HPS3: variants seen among roughly 807,000 people sequenced by gnomAD.
HPS3 encodes the protein HPS3 biogenesis of lysosomal organelles complex 2 subunit 1, also known as BLOC-2 complex member HPS3.
Under a neutral mutation model 110.9 loss-of-function variants are expected in HPS3, and 79 were observed. The ratio of observed to expected loss-of-function variants is 0.71; its 90% CI spans 0.59 to 0.86. The LOEUF (loss-of-function observed/expected upper bound fraction) is 0.86, where lower values mean the gene tolerates loss of function less well. Ranked by LOEUF, HPS3 falls within the 40% of genes least tolerant of loss-of-function variation. HPS3 has a pLI of 0.00. For missense variants in HPS3, 1,197 were observed against 1,206.2 expected (o/e 0.99, Z 0.11); for synonymous variants, 428 against 451.0 (o/e 0.95, Z 0.65).
At chr3:149,145,231 C>T (rs1423367506) in intron 4 of HPS3, 123 bp from the exon 5 acceptor site, 2 of 736,074 alleles carry the variant, frequency 2.7e-6, no homozygotes, top group Non-Finnish European at 4.8e-6. Context: ...TAAAGAGCAA[C>T]TTCCCCTTTG....
In HPS3 at chr3:149,172,185, A is replaced by G. The variant is rs1432440973; in HGVS notation, c.2978A>G (p.Tyr993Cys). Residue 993 changes from tyrosine (Y) to cysteine (C), a missense_variant, in exon 17 of 17, where the codon TAT (tyrosine) becomes TGT (cysteine). Physicochemically the swap from Tyr to Cys is radical, Grantham distance 194 (BLOSUM62 -2). Coordinates refer to ENST00000296051, the MANE Select transcript of HPS3 (RefSeq NM_032383.5). ...EDGTATFFLP[Y>C]LLYCSRKKPL... ...GGTACTGCAACATTTTTCTTGCCAT[A>G]TCTTCTCTATTGCAGTCGAAAGAAA... 2.5e-6 allele frequency: 4 copies of G among 1,613,668 alleles called. No homozygotes were observed. Among genetic ancestry groups the G allele is most frequent in the African/African-American group, 1.3e-5 (1 of 74,926 alleles).
intron 1 of HPS3, among the ~76,000 whole-genome samples, chr3:149,139,550 T>G (rs1383190322): frequency 6.6e-6 from 1 of 152,232 alleles, no homozygotes; most frequent in Non-Finnish European, 1.5e-5. Context: ...CTTTGCTATT[T>G]CCAACTTTAT....
chr3:149,158,541 A>G lies in HPS3; in HGVS notation c.1692-125A>G, dbSNP rs1723592350. 12 of 932,650 alleles carry G rather than the reference A, an allele frequency of 1.3e-5. No homozygotes were observed. The South Asian group carries it at 1.4e-4, about 10-fold the overall frequency. 57.8% of individuals were successfully genotyped at this position (932,650 alleles called of 1,614,324 possible). A position where few individuals can be genotyped will look rare whatever the true frequency, so the allele number is the denominator to read the frequency against. The stretch of plus-strand genomic sequence containing the variant: ...GGTGGCTTACACCTGGAATCCCAGC[A>G]CTTTGGGAGGCTGAGGTAGGATAAT... On this transcript the variant is annotated intron_variant, in intron 9 of 16. Transcript: ENST00000296051.
At chr3:149,153,430 T>C in intron 6 of HPS3, 64 bp from the exon 7 acceptor site, 1 of 1,374,692 alleles carries the variant, frequency 7.3e-7, no homozygotes, top group Non-Finnish European at 1.0e-6. Context: ...AACTGACTGA[T>C]TTTTGAAGAT....
intron 4 of HPS3, 52 bp from the exon 5 acceptor site, chr3:149,145,302 C>G: frequency 7.5e-7 from 1 of 1,340,494 alleles, no homozygotes; most frequent in South Asian, 1.2e-5. Context: ...GATTATTTCC[C>G]CCTTTATTTA....
At position 149,150,612 on chromosome 3, in the gene HPS3, T is replaced by C; in HGVS notation, c.1177T>C (p.Cys393Arg). The change falls in exon 6 of 17, where the codon TGT becomes CGT. Residue 393 changes from cysteine to arginine, a missense_variant. Coordinates refer to ENST00000296051, the MANE Select transcript of HPS3 (RefSeq NM_032383.5). ...CTTCCTCCTCAGTAACAACCTGCAG[T>C]GTTTCACTGTGCGGTGCAGTGCGGC... ...LHVITSNNLQ[C>R]FTVRCSAAAA... is the part of the protein sequence containing the mutation. The C allele has an allele frequency of 6.2e-7, 1 of 1,614,032 alleles. No individual in the cohort carries two copies.
In HPS3 at chr3:149,129,697, G is replaced by A. The variant is rs771646406; in HGVS notation, c.-27G>A. Reference sequence around the variant, plus strand: ...CTCCGGGCGCCCTGCAGGGCGGGCAGGCTGTGCCATCCCGCCGGACGTCGG... The same window carrying A: ...CTCCGGGCGCCCTGCAGGGCGGGCAAGCTGTGCCATCCCGCCGGACGTCGG... On this transcript the variant is annotated 5_prime_UTR_variant, in exon 1 of 17. Coordinates refer to ENST00000296051, the MANE Select transcript of HPS3 (RefSeq NM_032383.5). 9.7e-6 allele frequency: 15 copies of A among 1,539,442 alleles called. No homozygotes were observed. The highest frequency in any genetic ancestry group is 8.3e-5 in the African/African-American group (6 of 72,410).
At chr3:149,162,987 A>G in intron 13 of HPS3, 109 bp downstream of exon 13, 1 of 949,858 alleles carries the variant, frequency 1.1e-6, no homozygotes. Flanking sequence ...TTCTATTACC[A>G]GGTATCTTAT....
chr3:149,173,576 T>C lies in HPS3; in HGVS notation c.*1354T>C. 1.7e-6 allele frequency: 1 copy of C among 600,114 alleles called. No individual in the cohort carries two copies. Among genetic ancestry groups the C allele is most frequent in the Non-Finnish European group, 2.9e-6 (1 of 340,180 alleles). The allele number at this position is 600,114 out of a possible 1,614,324, so 37.2% of individuals were successfully genotyped here. A position where few individuals can be genotyped will look rare whatever the true frequency, so the allele number is the denominator to read the frequency against. On this transcript the variant is annotated 3_prime_UTR_variant, in exon 17 of 17. Transcript: ENST00000296051. ...AAAATTAATAGTTTTCCCCCACAAA[T>C]GTACAAAGTTGTATGCTTCCAGTCT...
chr3:149,164,205 T>C (rs1724187493), intron 14 of HPS3, among the ~76,000 whole-genome samples: 1 of 152,202 alleles, frequency 6.6e-6, no homozygotes, highest in African/African-American at 2.4e-5. Context: ...TCCTGGCTGA[T>C]TTCCTCATTT....
In HPS3 at chr3:149,162,232, C is replaced by T. The variant is rs1463013005; in HGVS notation, c.2191C>T (p.Leu731Phe). The change falls in exon 12 of 17, where the codon CTT (leucine) becomes TTT (phenylalanine). Residue 731 changes from leucine (L) to phenylalanine (F), a missense_variant. By Grantham distance (22) the Leu-to-Phe change is conservative. Coordinates refer to ENST00000296051, the MANE Select transcript of HPS3 (RefSeq NM_032383.5). ...ACAGATTGTTCCAACCGAGCTTGCA[C>T]TTCACTTGAAGGAAACTCAGCCTGG... ...KGQIVPTELALHLKETQPGLL... is the reference protein window; with the variant it reads ...KGQIVPTELAFHLKETQPGLL... 1.2e-6 allele frequency: 2 copies of T among 1,613,904 alleles called. No homozygotes were observed. The highest frequency in any genetic ancestry group is 1.7e-6 in the Non-Finnish European group (2 of 1,179,940).
chr3:149,157,506 G>A lies in HPS3; in HGVS notation c.1666G>A (p.Gly556Arg). The A allele has an allele frequency of 6.2e-7, 1 of 1,613,772 alleles. No individual in the cohort carries two copies. Among genetic ancestry groups the A allele is most frequent in the Non-Finnish European group, 8.5e-7 (1 of 1,179,772 alleles). ...ELLEAFKESC[G>R]HLGDCYSRLD... Reference sequence around the variant, plus strand: ...TTTGGAAGCATTTAAGGAAAGCTGTGGGCACCTTGGGGACTGTTACAGCAG... The same window carrying A: ...TTTGGAAGCATTTAAGGAAAGCTGTAGGCACCTTGGGGACTGTTACAGCAG... Residue 556 changes from glycine to arginine, a missense_variant, in exon 9 of 17, where the codon GGG (glycine) becomes AGG (arginine). Gly to Arg is a moderately radical substitution (Grantham distance 125). Transcript: ENST00000296051.
At chr3:149,168,369 G>T in intron 16 of HPS3, 1 of 205,292 alleles carries the variant, frequency 4.9e-6, no homozygotes, top group Non-Finnish European at 1.0e-5. Flanking sequence ...AGCAAGTATT[G>T]ATGAATAACA....
At chr3:149,155,048 A>G in intron 7 of HPS3, 59 bp from the exon 8 acceptor site, 1 of 880,744 alleles carries the variant, frequency 1.1e-6, no homozygotes, top group Non-Finnish European at 2.0e-6. Context: ...TTTACCATTT[A>G]CAACTACCAT....
intron 1 of HPS3, among the ~76,000 whole-genome samples, chr3:149,133,135 T>C (rs1721872328): frequency 6.6e-6 from 1 of 152,202 alleles, no homozygotes; most frequent in African/African-American, 2.4e-5. Context: ...ATAAACTTAG[T>C]TGATAAAGCA....
At chr3:149,151,599 A>AAAAAAC (rs1274137497) in intron 6 of HPS3, among the ~76,000 whole-genome samples, 2 of 144,464 alleles carry the variant, frequency 1.4e-5, no homozygotes, top group African/African-American at 5.2e-5. Context: ...AAAAAAAAAA[A>AAAAAAC]AAAAAAAAAA....
intron 9 of HPS3, among the ~76,000 whole-genome samples, chr3:149,158,353 T>C (rs1936598011): frequency 6.6e-6 from 1 of 152,222 alleles, no homozygotes; most frequent in Non-Finnish European, 1.5e-5. Context: ...AAAAAGAAAC[T>C]GCATTAATTA....
At position 149,172,610 on chromosome 3, in the gene HPS3, G is replaced by A. The variant is rs1725114104; in HGVS notation, c.*388G>A. 2 of 160,042 alleles carry A rather than the reference G, an allele frequency of 1.2e-5. No individual in the cohort carries two copies. Among genetic ancestry groups the A allele is most frequent in the African/African-American group, 2.4e-5 (1 of 41,544 alleles). 9.9% of individuals were successfully genotyped at this position (160,042 alleles called of 1,614,324 possible). On this transcript the variant is annotated 3_prime_UTR_variant, in exon 17 of 17. Transcript: ENST00000296051. ...AACACTTTAAGGAAACATTTTACAA[G>A]TATGCTTGAAAGAATGTCACTAACT...
At position 149,140,498 on chromosome 3, in the gene HPS3, G is replaced by A; in HGVS notation, c.712G>A (p.Gly238Ser). The A allele has an allele frequency of 6.2e-7, 1 of 1,613,972 alleles. No homozygotes were observed. The highest frequency in any genetic ancestry group is 8.5e-7 in the Non-Finnish European group (1 of 1,179,952). ...CAATCGAATAAGACGGACAGAAGAA[G>A]GTAAATAATGAATTTGACTTGCTTT... ...TNNRIRRTEE[G>S]ISNEISQLES... is the part of the protein sequence containing the mutation. Residue 238 changes from glycine to serine, a missense_variant and splice_region_variant, in exon 2 of 17, where the codon GGC (glycine) becomes AGC (serine). Transcript: ENST00000296051.
Sources: allele counts gnomAD v4.1 joint callset (sites outside exome capture counted in the v4.1 genomes callset), GRCh38; gene constraint gnomAD v4.1.1; transcripts MANE v1.5; gene names NCBI Gene and HGNC (gene_info 2026-07-23, HGNC 2026-07-21).